Variants in SLCO6A1 observed in about 807,000 individuals in gnomAD.
The protein encoded by SLCO6A1 is cancer/testis antigen 48.
Under a neutral mutation model 72.7 loss-of-function variants are expected in SLCO6A1, and 65 were observed. The ratio of observed to expected loss-of-function variants is 0.89; its 90% confidence interval spans 0.73 to 1.10. The LOEUF (loss-of-function observed/expected upper bound fraction) is 1.10. Ranked by LOEUF, SLCO6A1 falls within the 50% of genes least tolerant of loss-of-function variation. The pLI, the probability that SLCO6A1 is intolerant of heterozygous loss-of-function variation, is 0.00. For missense variants in SLCO6A1, 874 were observed against 872.6 expected (o/e 1.00, Z -0.02); for synonymous variants, 314 against 298.2 (o/e 1.05, Z -0.55).
intron 11 of SLCO6A1, among the ~76,000 whole-genome samples, chr5:102,389,453 C>CCCG (rs1554065642): frequency 1.4e-5 from 1 of 69,120 alleles, no homozygotes; most frequent in African/African-American, 4.8e-5. Flanking sequence ...CCGCCCCCCA[C>CCCG]CCCCACACAC....
intron 7 of SLCO6A1, among the ~76,000 whole-genome samples, chr5:102,423,758 C>T (rs1374155813): frequency 2.0e-5 from 3 of 152,174 alleles, no homozygotes; most frequent in Non-Finnish European, 2.9e-5. Flanking sequence ...GAACTCAGCT[C>T]TGGACCAAGC....
intron 10 of SLCO6A1, among the ~76,000 whole-genome samples, chr5:102,395,676 A>C (rs1231988915): frequency 1.3e-5 from 2 of 152,084 alleles, no homozygotes; most frequent in African/African-American, 4.8e-5. Flanking sequence ...AAGTGTTGCT[A>C]TTTCTCCACA....
rs542786704 is a variant in SLCO6A1, at chr5:102,484,629, C to T, written c.359-4195G>A. ...TTGCGCCACTGCACTCCAGCCTGGG[C>T]GACAGAGGGAGACTCTGTCAAAAAA... is the stretch of plus-strand genomic sequence containing the variant. On this transcript the variant is annotated intron_variant, in intron 1 of 13. Coordinates refer to ENST00000506729, the MANE Select transcript of SLCO6A1 (RefSeq NM_173488.5). Among the ~76,000 whole-genome samples the T allele has an allele frequency of 6.0e-5, 9 of 150,970 alleles. No homozygotes were observed. In the South Asian group the frequency reaches 6.3e-4, roughly 11 times the overall value.
chr5:102,383,279 C>T (rs1746227135), intron 12 of SLCO6A1, among the ~76,000 whole-genome samples: 2 of 151,130 alleles, frequency 1.3e-5, no homozygotes, highest in African/African-American at 2.4e-5. Context: ...CTGTCTTTTT[C>T]CTGATCATAA....
intron 10 of SLCO6A1, among the ~76,000 whole-genome samples, chr5:102,394,679 A>G (rs1467286593): frequency 6.6e-6 from 1 of 152,156 alleles, no homozygotes; most frequent in Admixed American, 6.5e-5. Context: ...ATGAAAAAAG[A>G]TATTAAGAAT....
intron 7 of SLCO6A1, among the ~76,000 whole-genome samples, chr5:102,435,980 T>C (rs1228242024): frequency 6.6e-6 from 1 of 152,164 alleles, no homozygotes; most frequent in Non-Finnish European, 1.5e-5. Flanking sequence ...GTTCCAGGCA[T>C]TGTGATGTAA....
Position 102,498,791 on chromosome 5 carries a change from T to TC in SLCO6A1, c.53dup (p.Val19SerfsTer13), listed in dbSNP as rs1561510173. On this transcript the variant is annotated frameshift_variant, in exon 1 of 14. Coordinates refer to ENST00000506729, the MANE Select transcript of SLCO6A1 (RefSeq NM_173488.5). LOFTEE classifies it high-confidence loss of function. ...CCCGCGCGGCCTCCAGCGGCTCTAC[T>TC]CCCCTTGAGACTTCATCCTGGCTCC... is the stretch of plus-strand genomic sequence containing the variant. 2 of 1,613,832 alleles carry TC rather than the reference T, an allele frequency of 1.2e-6. No individual in the cohort carries two copies. The highest frequency in any genetic ancestry group is 2.7e-5 in the African/African-American group (2 of 75,028).
intron 12 of SLCO6A1, among the ~76,000 whole-genome samples, chr5:102,382,892 T>C (rs1311550569): frequency 6.6e-6 from 1 of 150,652 alleles, no homozygotes; most frequent in Non-Finnish European, 1.5e-5. Flanking sequence ...TTCATACATA[T>C]ATGTGTGTTC....
intron 5 of SLCO6A1, 104 bp downstream of exon 5, chr5:102,459,552 A>G: frequency 4.7e-6 from 6 of 1,267,232 alleles, no homozygotes; most frequent in Non-Finnish European, 5.3e-6. Flanking sequence ...AGCGAGAGGC[A>G]TACTCATTTT....
At chr5:102,494,607 CACAA>C (rs1435769642) in intron 1 of SLCO6A1, among the ~76,000 whole-genome samples, 1 of 152,130 alleles carries the variant, frequency 6.6e-6, no homozygotes, top group African/African-American at 2.4e-5. Flanking sequence ...AAGGGCACTT[CACAA>C]ACAAAGACAT....
In SLCO6A1 at chr5:102,373,550, A is replaced by T. The variant is rs543024661; in HGVS notation, c.2018-56T>A. 1.4e-5 allele frequency: 17 copies of T among 1,240,218 alleles called. No homozygotes were observed. The South Asian group carries it at 2.6e-4, about 19-fold the overall frequency. The allele number at this position is 1,240,218 out of a possible 1,614,324, so 76.8% of individuals were successfully genotyped here. On this transcript the variant is annotated intron_variant, in intron 12 of 13. Coordinates refer to ENST00000506729, the MANE Select transcript of SLCO6A1 (RefSeq NM_173488.5). Reference sequence around the variant, plus strand: ...GTCCATGTATTTAGAACAAAAATGTAGGCAAAAATGCTATTTACCAAAGAA... The same window carrying T: ...GTCCATGTATTTAGAACAAAAATGTTGGCAAAAATGCTATTTACCAAAGAA...
chr5:102,438,015 T>C (rs1388329938), intron 7 of SLCO6A1, among the ~76,000 whole-genome samples: 2 of 152,102 alleles, frequency 1.3e-5, no homozygotes, highest in African/African-American at 4.8e-5. Flanking sequence ...CCCTTCAATG[T>C]CTAAACTTAC....
chr5:102,485,844 T>C (rs1399025595), intron 1 of SLCO6A1, among the ~76,000 whole-genome samples: 6 of 152,188 alleles, frequency 3.9e-5, no homozygotes, highest in African/African-American at 1.2e-4. Flanking sequence ...TTCTAATACA[T>C]AGTTAATAAA....
chr5:102,491,813 G>A (rs1009727633), intron 1 of SLCO6A1, among the ~76,000 whole-genome samples: 4 of 152,280 alleles, frequency 2.6e-5, no homozygotes, highest in Non-Finnish European at 5.9e-5. Flanking sequence ...CGGCAGGCTG[G>A]AGGGCTCCTC....
At chr5:102,474,000 T>A (rs1751764928) in intron 4 of SLCO6A1, among the ~76,000 whole-genome samples, 2 of 151,958 alleles carry the variant, frequency 1.3e-5, no homozygotes, top group Admixed American at 6.6e-5. Flanking sequence ...ATTGTTAAAA[T>A]GTTTATACAA....
intron 8 of SLCO6A1, among the ~76,000 whole-genome samples, chr5:102,416,377 G>A (rs565438617): frequency 7.2e-5 from 11 of 151,736 alleles, no homozygotes; most frequent in South Asian, 2.1e-4. Context: ...ATACACACAC[G>A]TTGAATACTA....
At chr5:102,431,051 A>AT (rs886356691) in intron 7 of SLCO6A1, among the ~76,000 whole-genome samples, 15 of 151,884 alleles carry the variant, frequency 9.9e-5, no homozygotes, top group Non-Finnish European at 1.5e-5. Flanking sequence ...GAATTTATTC[A>AT]TTTTTTCTAG....
chr5:102,491,346 G>A (rs188869135), intron 1 of SLCO6A1, among the ~76,000 whole-genome samples: 107 of 152,364 alleles, frequency 7.0e-4, no homozygotes, highest in African/African-American at 1.9e-3. Context: ...ATCCCCTACC[G>A]GGGCCGCAGG....
chr5:102,450,077 T>C (rs1057330391), intron 6 of SLCO6A1, among the ~76,000 whole-genome samples: 3 of 152,218 alleles, frequency 2.0e-5, no homozygotes, highest in Admixed American at 2.0e-4. Context: ...GGTTTCAGCA[T>C]TATTCTGAAT....
Sources: gnomAD v4.1 joint callset for allele counts (sites outside exome capture counted in the v4.1 genomes callset) on GRCh38, gnomAD v4.1.1 for gene constraint, MANE v1.5 for transcripts, NCBI Gene and HGNC (gene_info 2026-07-23, HGNC 2026-07-21) for gene names.